ARHGEF7: variants seen among roughly 807,000 people sequenced by gnomAD.
ARHGEF7 encodes the protein Rho guanine nucleotide exchange factor 7, also known as PAK-interacting exchange factor beta.
A neutral mutation model predicts 109.8 loss-of-function variants in ARHGEF7; 33 were observed. That is an observed-to-expected ratio of 0.30 (90% CI 0.23 to 0.40). ARHGEF7 has a LOEUF of 0.40. ARHGEF7 is among the 10% of genes least tolerant of loss of function. The pLI is 1.00. For missense variants in ARHGEF7, 938 were observed against 1,098.5 expected (o/e 0.85, Z 2.07); for synonymous variants, 458 against 424.6 (o/e 1.08, Z -0.97).
intron 2 of ARHGEF7, among the ~76,000 whole-genome samples, chr13:111,198,370 C>A (rs756163216): frequency 6.6e-6 from 1 of 152,078 alleles, no homozygotes; most frequent in Non-Finnish European, 1.5e-5. Flanking sequence ...TTCTTGGTCT[C>A]GCTGACTTCA....
chr13:111,196,164 A>G (rs2080475946), intron 2 of ARHGEF7, among the ~76,000 whole-genome samples: 2 of 152,218 alleles, frequency 1.3e-5, no homozygotes, highest in Non-Finnish European at 2.9e-5. Context: ...TATGCTAGAC[A>G]TCATTGAATA....
intron 16 of ARHGEF7, among the ~76,000 whole-genome samples, chr13:111,283,693 C>CCAT (rs1226644493): frequency 6.6e-6 from 1 of 152,244 alleles, no homozygotes; most frequent in African/African-American, 2.4e-5. Flanking sequence ...GTGTGTGAGG[C>CCAT]CATCGCTCAG....
chr13:111,220,944 TGTTA>T (rs34589934), intron 5 of ARHGEF7, among the ~76,000 whole-genome samples: 66,458 of 149,474 alleles, frequency 0.44, 15,427 homozygotes, highest in South Asian at 0.55. Context: ...AGTATTCTCC[TGTTA>T]GTTATATATA....
At chr13:111,252,601 T>C (rs891100729) in intron 8 of ARHGEF7, among the ~76,000 whole-genome samples, 4 of 152,262 alleles carry the variant, frequency 2.6e-5, no homozygotes, top group African/African-American at 4.8e-5. Context: ...CGGCAGCTCA[T>C]GTCTGTCTGA....
At chr13:111,256,116 AG>A (rs1684219744) in intron 8 of ARHGEF7, among the ~76,000 whole-genome samples, 1 of 152,190 alleles carries the variant, frequency 6.6e-6, no homozygotes, top group African/African-American at 2.4e-5. Context: ...ATGTGTCTTT[AG>A]TCTTATTCTT....
intron 8 of ARHGEF7, among the ~76,000 whole-genome samples, chr13:111,249,578 C>T (rs2153556970): frequency 6.6e-6 from 1 of 152,210 alleles, no homozygotes; most frequent in Non-Finnish European, 1.5e-5. Context: ...GTGCGTTTTT[C>T]TCAGGGTTCT....
intron 2 of ARHGEF7, among the ~76,000 whole-genome samples, chr13:111,175,804 T>C (rs980389671): frequency 1.3e-5 from 2 of 152,172 alleles, no homozygotes; most frequent in Non-Finnish European, 2.9e-5. Flanking sequence ...CTGGGTAATT[T>C]ATAAAGGAGA....
chr13:111,299,682 A>G lies in ARHGEF7; in HGVS notation c.2312-1066A>G, dbSNP rs544151813. On this transcript the variant is annotated intron_variant, in intron 19 of 21. Coordinates refer to ENST00000646102, the MANE Select transcript of ARHGEF7 (RefSeq NM_001354046.2). ...AATCCCGTCTTCATAAAACATTCGT[A>G]TTGTACTGAGCTTTCCTGTGACAGT... is the stretch of plus-strand genomic sequence containing the variant. Among the ~76,000 whole-genome samples, 57 of 152,248 alleles carry G rather than the reference A, an allele frequency of 3.7e-4. 1 individual carries two copies. The highest frequency in any genetic ancestry group is 2.0e-3 in the Admixed American group (30 of 15,308).
At chr13:111,134,544 T>A (rs2074989593) in intron 1 of ARHGEF7, among the ~76,000 whole-genome samples, 1 of 151,274 alleles carries the variant, frequency 6.6e-6, no homozygotes, top group East Asian at 2.0e-4. Context: ...TGATGGCCAG[T>A]GATGATGAGC....
chr13:111,175,228 C>T (rs1334171011), intron 2 of ARHGEF7, among the ~76,000 whole-genome samples: 1 of 152,186 alleles, frequency 6.6e-6, no homozygotes, highest in Non-Finnish European at 1.5e-5. Context: ...CTGTGGGTCC[C>T]ACACTGTCTT....
chr13:111,209,795 T>G, intron 3 of ARHGEF7, 77 bp from the exon 4 acceptor site: 1 of 1,520,692 alleles, frequency 6.6e-7, no homozygotes, highest in Non-Finnish European at 8.9e-7. Context: ...GCCCTAGTTT[T>G]AAAGTCTAGT....
chr13:111,265,838 C>T (rs780304662), intron 8 of ARHGEF7: 22 of 420,262 alleles, frequency 5.2e-5, no homozygotes, highest in African/African-American at 1.0e-4. Context: ...GGACCACCTG[C>T]GGGTGCCTTG....
chr13:111,203,213 G>GAATGTCTTTCAGCTC, intron 2 of ARHGEF7: 1 of 710,626 alleles, frequency 1.4e-6, no homozygotes, highest in Non-Finnish European at 2.0e-6. Context: ...GATTAGATCT[G>GAATGTCTTTCAGCTC]TAGAGCTGAA....
intron 2 of ARHGEF7, among the ~76,000 whole-genome samples, chr13:111,185,401 G>A (rs946439810): frequency 1.3e-5 from 2 of 152,142 alleles, no homozygotes; most frequent in Admixed American, 6.5e-5. Context: ...GCACTACAGC[G>A]GGTTCTTTCT....
At chr13:111,301,565 T>G in intron 21 of ARHGEF7, 33 bp downstream of exon 21, 1 of 1,548,228 alleles carries the variant, frequency 6.5e-7, no homozygotes, top group South Asian at 1.1e-5. Context: ...ATCTTTTTTT[T>G]CTTTTCAAAT....
Position 111,267,732 on chromosome 13 carries a change from G to A in ARHGEF7, c.1073+62G>A. The A allele has an allele frequency of 1.9e-6, 3 of 1,586,864 alleles. No homozygotes were observed. The South Asian group carries it at 3.4e-5, about 18-fold the overall frequency. On this transcript the variant is annotated intron_variant, in intron 9 of 21. Coordinates refer to ENST00000646102, the MANE Select transcript of ARHGEF7 (RefSeq NM_001354046.2). ...GATGGCTCTGTGTCCTTCAAATAGT[G>A]CATGAAATAGTATGATGCTAATAGT...
intron 1 of ARHGEF7, among the ~76,000 whole-genome samples, chr13:111,138,390 AG>A (rs1594938943): frequency 6.6e-6 from 1 of 152,102 alleles, no homozygotes; most frequent in Admixed American, 6.5e-5. Context: ...CTGAGGTGGG[AG>A]GATCACTTGA....
In ARHGEF7 at chr13:111,303,264, C is replaced by A; in HGVS notation, c.*151C>A. On this transcript the variant is annotated 3_prime_UTR_variant, in exon 22 of 22. Coordinates refer to ENST00000646102, the MANE Select transcript of ARHGEF7 (RefSeq NM_001354046.2). ...TATAGAAAAGCTGGAGCTTATTCTG[C>A]GAATGGAGACGATCAAACCATGACT... 3.0e-6 allele frequency: 2 copies of A among 672,910 alleles called. No individual in the cohort carries two copies. Among genetic ancestry groups the A allele is most frequent in the Non-Finnish European group, 4.7e-6 (2 of 422,482 alleles). 41.7% of individuals were successfully genotyped at this position (672,910 alleles called of 1,614,324 possible).
intron 2 of ARHGEF7, among the ~76,000 whole-genome samples, chr13:111,185,767 C>T (rs897633873): frequency 8.6e-5 from 13 of 151,944 alleles, no homozygotes; most frequent in African/African-American, 1.7e-4. Context: ...TGTGTGTGTA[C>T]GTGGTGAGTT....
Sources: gnomAD v4.1 joint callset for allele counts (sites outside exome capture counted in the v4.1 genomes callset) on GRCh38, gnomAD v4.1.1 for gene constraint, MANE v1.5 for transcripts, NCBI Gene and HGNC (gene_info 2026-07-23, HGNC 2026-07-21) for gene names.